ROR2: variants seen among roughly 807,000 people sequenced by gnomAD.
ROR2 encodes ROR family WNT receptor 2.
A neutral mutation model predicts 74.9 loss-of-function variants in ROR2; 33 were observed. The ratio of observed to expected loss-of-function variants is 0.44; its 90% CI spans 0.33 to 0.59. ROR2 has a LOEUF of 0.59. ROR2 is among the 20% of genes least tolerant of loss of function. ROR2 has a pLI of 0.02. For missense variants in ROR2, 1,216 were observed against 1,313.8 expected (o/e 0.93, Z 1.15); for synonymous variants, 586 against 558.7 (o/e 1.05, Z -0.69).
At chr9:91,935,865 G>A (rs1267422741) in intron 1 of ROR2, among the ~76,000 whole-genome samples, 2 of 152,272 alleles carry the variant, frequency 1.3e-5, no homozygotes, top group Non-Finnish European at 2.9e-5. Flanking sequence ...GACCCCCAGA[G>A]AGAAGGCCTT....
chr9:91,727,934 C>G (rs1330906071), intron 7 of ROR2, among the ~76,000 whole-genome samples: 1 of 152,220 alleles, frequency 6.6e-6, no homozygotes, highest in Non-Finnish European at 1.5e-5. Context: ...AAACCACAAA[C>G]AAAACTTTCT....
intron 1 of ROR2, among the ~76,000 whole-genome samples, chr9:91,805,298 G>C (rs1163621859): frequency 6.6e-6 from 1 of 152,246 alleles, no homozygotes; most frequent in African/African-American, 2.4e-5. Context: ...GGGGAGAACA[G>C]ATTTGAGAGA....
chr9:91,801,255 T>C (rs1284363392), intron 1 of ROR2, among the ~76,000 whole-genome samples: 1 of 152,236 alleles, frequency 6.6e-6, no homozygotes, highest in Non-Finnish European at 1.5e-5. Context: ...CAGCTCCAAA[T>C]GTTGCTTTGA....
chr9:91,900,508 A>G (rs1830650025), intron 1 of ROR2, among the ~76,000 whole-genome samples: 1 of 152,246 alleles, frequency 6.6e-6, no homozygotes, highest in African/African-American at 2.4e-5. Flanking sequence ...TGGGACCCGC[A>G]GGAAACAAGA....
chr9:91,772,530 T>A (rs16907761), intron 2 of ROR2, among the ~76,000 whole-genome samples: 15,445 of 152,242 alleles, frequency 0.1, 1,095 homozygotes, highest in East Asian at 0.26. Context: ...ACTATACTAC[T>A]CTATCCTGCT....
chr9:91,786,158 C>CAA (rs35972600), intron 1 of ROR2, among the ~76,000 whole-genome samples: 25,142 of 56,366 alleles, frequency 0.45, 6,022 homozygotes, highest in Non-Finnish European at 0.56. Flanking sequence ...CTGTTTCTAC[C>CAA]AAAAAAAAAA....
chr9:91,726,375 T>G (rs1192823858), intron 8 of ROR2, among the ~76,000 whole-genome samples, 166 bp downstream of exon 8: 4 of 152,018 alleles, frequency 2.6e-5, no homozygotes, highest in Non-Finnish European at 5.9e-5. Context: ...AAAGCACACA[T>G]GTCCTGATCT....
At chr9:91,897,133 C>T (rs1830556923) in intron 1 of ROR2, among the ~76,000 whole-genome samples, 1 of 152,248 alleles carries the variant, frequency 6.6e-6, no homozygotes, top group Non-Finnish European at 1.5e-5. Flanking sequence ...GGAGCCCCAC[C>T]CTTCCCCACA....
At chr9:91,939,598 T>G (rs1831794983) in intron 1 of ROR2, among the ~76,000 whole-genome samples, 1 of 152,146 alleles carries the variant, frequency 6.6e-6, no homozygotes, top group African/African-American at 2.4e-5. Context: ...TGTTGATCCC[T>G]CATCTGTTCT....
chr9:91,811,814 C>A (rs914974952), intron 1 of ROR2, among the ~76,000 whole-genome samples: 4 of 152,188 alleles, frequency 2.6e-5, no homozygotes, highest in African/African-American at 9.7e-5. Flanking sequence ...GTGACACAAG[C>A]CATTTCCGTA....
intron 4 of ROR2, among the ~76,000 whole-genome samples, chr9:91,745,447 T>TC (rs10695102): frequency 7.1e-6 from 1 of 140,568 alleles, no homozygotes; most frequent in Non-Finnish European, 1.6e-5. Context: ...TTTTTTTTTT[T>TC]GAGATGGAGT....
Position 91,746,744 on chromosome 9 carries a change from C to CTTA in ROR2, c.495-9227_495-9226insTAA, listed in dbSNP as rs1825432829. ...GCTGAAGTCTTGGAATTAACTGATT[C>CTTA]TTGTTCCCATAAGAAAATAACAGGG... On this transcript the variant is annotated intron_variant, in intron 4 of 8. Transcript: ENST00000375708. Among the ~76,000 whole-genome samples, 14 of 152,330 alleles carry CTTA rather than the reference C, an allele frequency of 9.2e-5. No homozygotes were observed. In the South Asian group the frequency reaches 2.5e-3, roughly 27 times the overall value.
chr9:91,780,808 A>T (rs1216857764), intron 1 of ROR2, among the ~76,000 whole-genome samples: 1 of 152,162 alleles, frequency 6.6e-6, no homozygotes, highest in African/African-American at 2.4e-5. Flanking sequence ...AGATAAATTT[A>T]TATCTGCAAA....
intron 1 of ROR2, among the ~76,000 whole-genome samples, chr9:91,875,777 T>C (rs1829938175): frequency 6.6e-6 from 1 of 152,080 alleles, no homozygotes. Flanking sequence ...CCAGGGAAGC[T>C]AGCACACGGA....
intron 1 of ROR2, among the ~76,000 whole-genome samples, chr9:91,813,357 A>G (rs1289747316): frequency 6.6e-6 from 1 of 152,168 alleles, no homozygotes; most frequent in Non-Finnish European, 1.5e-5. Flanking sequence ...GTCTAAATGT[A>G]TTTATACTCT....
chr9:91,783,020 G>A (rs1826674658), intron 1 of ROR2, among the ~76,000 whole-genome samples: 1 of 152,180 alleles, frequency 6.6e-6, no homozygotes, highest in Non-Finnish European at 1.5e-5. Flanking sequence ...TGTCAGTAGG[G>A]CAGGTTCCTT....
chr9:91,855,403 C>T (rs558618177), intron 1 of ROR2, among the ~76,000 whole-genome samples: 4 of 152,342 alleles, frequency 2.6e-5, no homozygotes, highest in South Asian at 2.1e-4. Flanking sequence ...TCGGCCCTCC[C>T]GCCAGGGCAG....
At chr9:91,948,476 T>C (rs1475533608) in intron 1 of ROR2, 2 of 718,716 alleles carry the variant, frequency 2.8e-6, no homozygotes, top group Non-Finnish European at 3.4e-6. Context: ...GGTTTATGCT[T>C]TAATGCACAG....
At chr9:91,783,678 T>C (rs562390104) in intron 1 of ROR2, among the ~76,000 whole-genome samples, 1 of 152,352 alleles carries the variant, frequency 6.6e-6, no homozygotes, top group Non-Finnish European at 1.5e-5. Context: ...GGCTGACATT[T>C]CTTTTTCTCA....
Sources: gnomAD v4.1 joint callset for allele counts (sites outside exome capture counted in the v4.1 genomes callset) on GRCh38, gnomAD v4.1.1 for gene constraint, MANE v1.5 for transcripts, NCBI Gene and HGNC (gene_info 2026-07-23, HGNC 2026-07-21) for gene names.